TYROBP: variants seen among roughly 807,000 people sequenced by gnomAD.
TYROBP encodes transmembrane immune signaling adaptor TYROBP, also known as TYRO protein tyrosine kinase-binding protein.
Under a neutral mutation model 17.1 loss-of-function variants are expected in TYROBP, and 14 were observed. The ratio of observed to expected loss-of-function variants is 0.82; its 90% confidence interval spans 0.54 to 1.28. The LOEUF is 1.28. Ranked by LOEUF, TYROBP falls within the 50% of genes most tolerant of loss-of-function variation. TYROBP has a pLI of 0.00. For synonymous variants in TYROBP, 73 were observed against 67.4 expected (o/e 1.08, Z -0.41); for missense variants, 161 against 151.4 (o/e 1.06, Z -0.33).
rs1212323763 is a variant in TYROBP at position 35,907,245 on chromosome 19, A to G, written c.249T>C (p.Arg83=). The G allele has an allele frequency of 6.2e-7, 1 of 1,608,606 alleles. No individual in the cohort carries two copies. The highest frequency in any genetic ancestry group is 8.5e-7 in the Non-Finnish European group (1 of 1,177,846). The change falls in exon 4 of 5, where the codon CGT becomes CGC. Residue 83 remains arginine (R), a synonymous_variant. Transcript: ENST00000262629. ...GAAEAATRKQ[R]ITETESPYQE... is the part of the protein sequence containing the mutation. ...GATAAGGCGACTCGGTCTCAGTGAT[A>G]CGCTGTTTCCGGGTCGCTGCTGGAG...
rs750297296 is a variant in TYROBP at position 35,904,504 on chromosome 19, G to T, written c.*65C>A. 6.5e-7 allele frequency: 1 copy of T among 1,538,536 alleles called. No homozygotes were observed. Among genetic ancestry groups the T allele is most frequent in the South Asian group, 1.1e-5 (1 of 88,174 alleles). ...GTATCGCGGTAGGAGTTGGAATGAG[G>T]TGCAGGGTGGGCTTCAGGAATGGCT... On this transcript the variant is annotated 3_prime_UTR_variant, in exon 5 of 5. Transcript: ENST00000262629.
intron 4 of TYROBP, among the ~76,000 whole-genome samples, chr19:35,905,106 A>T (rs1248067952): frequency 6.6e-6 from 1 of 152,228 alleles, no homozygotes; most frequent in Non-Finnish European, 1.5e-5. Context: ...GGTGCTAGAC[A>T]CATCCACAGA....
Position 35,907,521 on chromosome 19 carries a change from C to A in TYROBP, c.154G>T (p.Val52Leu). The A allele has an allele frequency of 6.2e-7, 1 of 1,614,040 alleles. No individual in the cohort carries two copies. The highest frequency in any genetic ancestry group is 8.5e-7 in the Non-Finnish European group (1 of 1,180,018). ...GCCAGGGCAATGAGCACTGTCAGCA[C>A]CAGGTCTCCCATCACGATCCCTGCC... ...VLAGIVMGDL[V>L]LTVLIALAVY... Residue 52 changes from valine (V) to leucine (L), a missense_variant, in exon 3 of 5, where the codon GTG becomes TTG. By Grantham distance (32) the Val-to-Leu change is conservative. Transcript: ENST00000262629.
intron 3 of TYROBP, 62 bp downstream of exon 3, chr19:35,907,384 T>C: frequency 6.3e-7 from 1 of 1,599,472 alleles, no homozygotes; most frequent in Non-Finnish European, 8.6e-7. Context: ...TCTGGGAGTT[T>C]ACCCAGCCCC....
At chr19:35,904,769 T>A in intron 4 of TYROBP, 135 bp from the exon 5 acceptor site, 1 of 778,832 alleles carries the variant, frequency 1.3e-6, no homozygotes, top group Non-Finnish European at 2.1e-6. Flanking sequence ...TCAAGTACAT[T>A]CAATGTTCCC....
chr19:35,907,747 T>C lies in TYROBP; in HGVS notation c.77A>G (p.Gln26Arg), dbSNP rs949963051. Residue 26 changes from glutamine (Q) to arginine (R), a missense_variant, in exon 2 of 5, where the codon CAG (glutamine) becomes CGG (arginine). Gln to Arg is a conservative substitution (Grantham distance 43). Coordinates refer to ENST00000262629, the MANE Select transcript of TYROBP (RefSeq NM_003332.4). Reference sequence around the variant, plus strand: ...AGGCCTACCGCTCTGGGCCTGGGCCTGGACAGGACGGAGACCTGAGGAGGA... The same window carrying C: ...AGGCCTACCGCTCTGGGCCTGGGCCCGGACAGGACGGAGACCTGAGGAGGA... ...LLAVSGLRPV[Q>R]AQAQSDCSCS... is the part of the protein sequence containing the mutation. 6.2e-7 allele frequency: 1 copy of C among 1,612,820 alleles called. No homozygotes were observed. The highest frequency in any genetic ancestry group is 8.5e-7 in the Non-Finnish European group (1 of 1,179,620).
At position 35,907,221 on chromosome 19, in the gene TYROBP, A is replaced by G. The variant is rs772366298; in HGVS notation, c.273T>C (p.Tyr91=). 2.5e-6 allele frequency: 4 copies of G among 1,602,194 alleles called. No homozygotes were observed. The highest frequency in any genetic ancestry group is 3.5e-5 in the Admixed American group (2 of 56,992). The change falls in exon 4 of 5, where the codon TAT becomes TAC. Residue 91 remains tyrosine (Y), a synonymous_variant. Transcript: ENST00000262629. ...GAGGACAGTCTGGTTTTCTCACCTG[A>G]TAAGGCGACTCGGTCTCAGTGATAC... is the stretch of plus-strand genomic sequence containing the variant. ...KQRITETESP[Y]QELQGQRSDV... is the part of the protein sequence containing the mutation.
At position 35,905,683 on chromosome 19, in the gene TYROBP, G is replaced by C. The variant is rs191505576; in HGVS notation, c.277-1049C>G. Among the ~76,000 whole-genome samples the C allele has an allele frequency of 8.4e-4, 127 of 151,196 alleles. 1 individual carries two copies. Among genetic ancestry groups the C allele is most frequent in the Non-Finnish European group, 1.5e-3 (102 of 67,800 alleles). On this transcript the variant is annotated intron_variant, in intron 4 of 4. Coordinates refer to ENST00000262629, the MANE Select transcript of TYROBP (RefSeq NM_003332.4). ...AAAAAAAAAAATTAAGGCCGGGCGC[G>C]GTGGCTCACACCTCTAATCCCAGCA...
chr19:35,908,255 G>A lies in TYROBP; in HGVS notation c.-27C>T. Reference sequence around the variant, plus strand: ...AAGCCGGATGCTGCTGGACACCACAGTGTAAGGGCCGGTGGGATGTGGCGC... The same window carrying A: ...AAGCCGGATGCTGCTGGACACCACAATGTAAGGGCCGGTGGGATGTGGCGC... On this transcript the variant is annotated 5_prime_UTR_variant, in exon 1 of 5. Transcript: ENST00000262629. 2.5e-6 allele frequency: 4 copies of A among 1,607,918 alleles called. No homozygotes were observed. The highest frequency in any genetic ancestry group is 3.4e-6 in the Non-Finnish European group (4 of 1,174,538).
chr19:35,904,469 C>T lies in TYROBP; in HGVS notation c.*100G>A. 1 of 1,247,356 alleles carries T rather than the reference C, an allele frequency of 8.0e-7. No homozygotes were observed. 77.3% of individuals were successfully genotyped at this position (1,247,356 alleles called of 1,614,324 possible). ...GGTCTGGTCTCTCAGGGATGGCACT[C>T]TGTGGGTCTGTATCGCGGTAGGAGT... On this transcript the variant is annotated 3_prime_UTR_variant, in exon 5 of 5. Transcript: ENST00000262629.
chr19:35,907,367 T>A lies in TYROBP; in HGVS notation c.229+79A>T, dbSNP rs563132881. ...ACCTCCATTACCATCCCTTTGGATG[T>A]TTGAGATCTGGGAGTTTACCCAGCC... is the stretch of plus-strand genomic sequence containing the variant. On this transcript the variant is annotated intron_variant, in intron 3 of 4. Coordinates refer to ENST00000262629, the MANE Select transcript of TYROBP (RefSeq NM_003332.4). 13 of 1,605,856 alleles carry A rather than the reference T, an allele frequency of 8.1e-6. No individual in the cohort carries two copies. In the East Asian group the frequency reaches 8.9e-5, roughly 11 times the overall value.
Position 35,907,583 on chromosome 19 carries a change from G to A in TYROBP, c.95-3C>T, listed in dbSNP as rs771576196. On this transcript the variant is annotated splice_polypyrimidine_tract_variant and splice_region_variant and intron_variant, in intron 2 of 4. Transcript: ENST00000262629. Reference sequence around the variant, plus strand: ...GCTCACCGTAGAGCAACTGCAATCTGCAGCACAGGGGTCAGGGGAGGTCAG... The same window carrying A: ...GCTCACCGTAGAGCAACTGCAATCTACAGCACAGGGGTCAGGGGAGGTCAG... 1 of 1,614,042 alleles carries A rather than the reference G, an allele frequency of 6.2e-7. No individual in the cohort carries two copies. The highest frequency in any genetic ancestry group is 8.5e-7 in the Non-Finnish European group (1 of 1,179,966).
At chr19:35,905,386 G>A (rs80136078) in intron 4 of TYROBP, among the ~76,000 whole-genome samples, 10,901 of 152,246 alleles carry the variant, frequency 0.072, 945 homozygotes, top group African/African-American at 0.21. Flanking sequence ...AATCATATAT[G>A]ATGACTAGTC....
chr19:35,908,229 G>T lies in TYROBP; in HGVS notation c.-1C>A. ...TGCTGCAGGGTTCAAGTCCCCCCATGAAGCCGGATGCTGCTGGACACCACA... is the reference window on the plus strand; with the variant it reads ...TGCTGCAGGGTTCAAGTCCCCCCATTAAGCCGGATGCTGCTGGACACCACA... On this transcript the variant is annotated 5_prime_UTR_variant, in exon 1 of 5. Transcript: ENST00000262629. The T allele has an allele frequency of 6.2e-7, 1 of 1,613,888 alleles. No homozygotes were observed. Among genetic ancestry groups the T allele is most frequent in the Non-Finnish European group, 8.5e-7 (1 of 1,179,878 alleles).
chr19:35,905,401 C>T (rs544266622), intron 4 of TYROBP, among the ~76,000 whole-genome samples: 2 of 152,080 alleles, frequency 1.3e-5, no homozygotes, highest in African/African-American at 2.4e-5. Flanking sequence ...CTAGTCTGGG[C>T]GTGCATTCTT....
At chr19:35,906,901 T>C (rs1975738520) in intron 4 of TYROBP, among the ~76,000 whole-genome samples, 2 of 152,102 alleles carry the variant, frequency 1.3e-5, no homozygotes, top group Non-Finnish European at 2.9e-5. Flanking sequence ...TAATTTTGTA[T>C]TTTTAGTAGA....
intron 4 of TYROBP, among the ~76,000 whole-genome samples, chr19:35,905,035 T>C (rs8113524): frequency 0.072 from 10,974 of 152,152 alleles, 960 homozygotes; most frequent in African/African-American, 0.21. Context: ...TCATTTGCTT[T>C]AAGTTTGTCT....
Position 35,904,522 on chromosome 19 carries a change from G to T in TYROBP, c.*47C>A. ...GAATGAGGTGCAGGGTGGGCTTCAG[G>T]AATGGCTGGATCCAGGTATCATGTT... On this transcript the variant is annotated 3_prime_UTR_variant, in exon 5 of 5. Coordinates refer to ENST00000262629, the MANE Select transcript of TYROBP (RefSeq NM_003332.4). 6.3e-7 allele frequency: 1 copy of T among 1,596,180 alleles called. No homozygotes were observed. The highest frequency in any genetic ancestry group is 8.6e-7 in the Non-Finnish European group (1 of 1,166,536).
intron 4 of TYROBP, among the ~76,000 whole-genome samples, chr19:35,905,240 A>G (rs1975693551): frequency 6.6e-6 from 1 of 152,224 alleles, no homozygotes; most frequent in Non-Finnish European, 1.5e-5. Context: ...TCACAAAGAA[A>G]CTTTATCCAC....
Sources: gnomAD v4.1 joint callset for allele counts (sites outside exome capture counted in the v4.1 genomes callset) on GRCh38, gnomAD v4.1.1 for gene constraint, MANE v1.5 for transcripts, NCBI Gene and HGNC (gene_info 2026-07-23, HGNC 2026-07-21) for gene names.